ADGRL2: variants seen among roughly 807,000 people sequenced by gnomAD.
ADGRL2 encodes calcium-independent alpha-latrotoxin receptor 2.
In ADGRL2, 44 loss-of-function variants were observed where a neutral mutation model predicts 157.4. The observed-to-expected ratio is 0.28, with a 90% CI of 0.22 to 0.36. The LOEUF (loss-of-function observed/expected upper bound fraction) is 0.36. Ranked by LOEUF, ADGRL2 falls within the 10% of genes least tolerant of loss-of-function variation. ADGRL2 has a pLI of 1.00. For synonymous variants in ADGRL2, 585 were observed against 624.7 expected (o/e 0.94, Z 0.95); for missense variants, 1,510 against 1,768.9 (o/e 0.85, Z 2.63).
At chr1:81,613,316 A>G (rs1024885686) in intron 3 of ADGRL2, among the ~76,000 whole-genome samples, 5 of 152,348 alleles carry the variant, frequency 3.3e-5, no homozygotes, top group African/African-American at 9.6e-5. Context: ...TTGTTGTGTT[A>G]GAAGTGGCCA....
chr1:81,571,821 A>G (rs373275479), intron 2 of ADGRL2, among the ~76,000 whole-genome samples: 1 of 152,096 alleles, frequency 6.6e-6, no homozygotes, highest in East Asian at 1.9e-4. Context: ...TCTAGACCTT[A>G]TATATTGTGT....
chr1:81,566,101 C>T (rs1303056634), intron 2 of ADGRL2, among the ~76,000 whole-genome samples: 1 of 152,070 alleles, frequency 6.6e-6, no homozygotes, highest in African/African-American at 2.4e-5. Flanking sequence ...AGTAATATAT[C>T]TATAAATTCA....
intron 1 of ADGRL2, among the ~76,000 whole-genome samples, chr1:81,366,126 A>G (rs1017552180): frequency 6.6e-6 from 1 of 152,044 alleles, no homozygotes; most frequent in Non-Finnish European, 1.5e-5. Flanking sequence ...ATCTATGAAA[A>G]TCTTTAGAGA....
At chr1:81,558,773 A>C (rs1043837277) in intron 2 of ADGRL2, among the ~76,000 whole-genome samples, 1 of 152,184 alleles carries the variant, frequency 6.6e-6, no homozygotes, top group Non-Finnish European at 1.5e-5. Context: ...TGATATCTTT[A>C]AATTCCCCTT....
chr1:81,631,307 C>T (rs2082006486), intron 3 of ADGRL2, among the ~76,000 whole-genome samples: 1 of 152,018 alleles, frequency 6.6e-6, no homozygotes, highest in South Asian at 2.1e-4. Flanking sequence ...ACCTCTGCCT[C>T]CCCTGTTCAG....
rs74095760 is a variant in ADGRL2 at position 81,590,316 on chromosome 1, C to T, written c.-143+9336C>T. On this transcript the variant is annotated intron_variant, in intron 3 of 24. Transcript: ENST00000370721. The stretch of plus-strand genomic sequence containing the variant: ...ATCTCTTTTGATTATGTGTATGAAC[C>T]AATACCCTTGTTGGTGACTCATCTA... Among the ~76,000 whole-genome samples the T allele has an allele frequency of 4.4e-3, 664 of 152,176 alleles. 5 individuals are homozygous for T. Among genetic ancestry groups the T allele is most frequent in the African/African-American group, 0.014 (578 of 41,520 alleles).
At chr1:81,850,662 C>G (rs573784175) in intron 2 of ADGRL2, among the ~76,000 whole-genome samples, 2 of 151,970 alleles carry the variant, frequency 1.3e-5, no homozygotes, top group Admixed American at 1.3e-4. Flanking sequence ...TTTTTCTAAT[C>G]TAAACAGGAA....
At chr1:81,756,561 C>CT (rs2085697643) in intron 1 of ADGRL2, among the ~76,000 whole-genome samples, 1 of 152,086 alleles carries the variant, frequency 6.6e-6, no homozygotes, top group African/African-American at 2.4e-5. Flanking sequence ...ATAATTTGTG[C>CT]TTTTTTGTTA....
intron 3 of ADGRL2, among the ~76,000 whole-genome samples, chr1:81,601,583 G>T (rs974034728): frequency 2.0e-5 from 3 of 152,130 alleles, no homozygotes; most frequent in Non-Finnish European, 2.9e-5. Context: ...TTTTATTTCT[G>T]CCCAGGATTA....
At chr1:81,419,139 T>A (rs2101524691) in intron 1 of ADGRL2, among the ~76,000 whole-genome samples, 1 of 151,732 alleles carries the variant, frequency 6.6e-6, no homozygotes, top group South Asian at 2.1e-4. Flanking sequence ...TGGAGCATAT[T>A]TGTACTTCTG....
At chr1:81,697,503 C>A (rs1374882532), upstream of ADGRL2, among the ~76,000 whole-genome samples, 1 of 152,140 alleles carries the variant, frequency 6.6e-6, no homozygotes, top group Non-Finnish European at 1.5e-5. Context: ...TATTGTCAGG[C>A]TCCTTGCCAG....
intron 1 of ADGRL2, among the ~76,000 whole-genome samples, chr1:81,409,765 A>G (rs1458538940): frequency 6.6e-6 from 1 of 152,244 alleles, no homozygotes; most frequent in Non-Finnish European, 1.5e-5. Flanking sequence ...CAACTTTTTA[A>G]CATCTCAAAA....
At chr1:81,536,860 T>G (rs1447872391) in intron 2 of ADGRL2, among the ~76,000 whole-genome samples, 1 of 152,240 alleles carries the variant, frequency 6.6e-6, no homozygotes, top group Non-Finnish European at 1.5e-5. Context: ...AGTGAGTGCC[T>G]ACTGCGTGAA....
chr1:81,462,315 C>T (rs1024523252), intron 2 of ADGRL2, among the ~76,000 whole-genome samples: 2 of 152,292 alleles, frequency 1.3e-5, no homozygotes, highest in South Asian at 2.1e-4. Context: ...TGCTGCCCTT[C>T]TATGTTGTGG....
intron 3 of ADGRL2, among the ~76,000 whole-genome samples, chr1:81,581,910 A>ACC (rs33936878): frequency 2.8e-5 from 4 of 142,724 alleles, no homozygotes; most frequent in African/African-American, 8.0e-5. Context: ...ACACACACAC[A>ACC]CCCCTGCCTC....
chr1:81,707,772 G>T (rs1033260597), intron 1 of ADGRL2, among the ~76,000 whole-genome samples: 1 of 151,950 alleles, frequency 6.6e-6, no homozygotes, highest in African/African-American at 2.4e-5. Flanking sequence ...TGCCCTATTC[G>T]AATACTTTTT....
intron 1 of ADGRL2, among the ~76,000 whole-genome samples, chr1:81,724,796 A>C (rs67701229): frequency 0.19 from 29,362 of 152,212 alleles, 2,936 homozygotes; most frequent in South Asian, 0.29. Flanking sequence ...TTTCTGGAAT[A>C]ATAAATAAGT....
chr1:81,407,866 A>G (rs567943670), intron 1 of ADGRL2, among the ~76,000 whole-genome samples: 63 of 152,302 alleles, frequency 4.1e-4, no homozygotes, highest in Middle Eastern at 3.4e-3. Context: ...GTGACATGTT[A>G]GCAAAATCAG....
intron 2 of ADGRL2, among the ~76,000 whole-genome samples, chr1:81,891,959 AGTGTGT>A (rs3221626): frequency 7.8e-4 from 117 of 149,474 alleles, no homozygotes; most frequent in African/African-American, 2.7e-3. Flanking sequence ...GTGGCTAATA[AGTGTGT>A]GTGTGTGTGT....
Sources: gnomAD v4.1 joint callset for allele counts (sites outside exome capture counted in the v4.1 genomes callset) on GRCh38, gnomAD v4.1.1 for gene constraint, MANE v1.5 for transcripts, NCBI Gene and HGNC (gene_info 2026-07-23, HGNC 2026-07-21) for gene names.